Variants in ESCO1 observed in about 807,000 individuals in gnomAD.
ESCO1 encodes the protein N-acetyltransferase ESCO1.
A neutral mutation model predicts 83.5 loss-of-function variants in ESCO1; 33 were observed. The observed-to-expected ratio is 0.40, with a 90% CI of 0.30 to 0.53. The LOEUF (loss-of-function observed/expected upper bound fraction) is 0.53. Ranked by LOEUF, ESCO1 falls within the 20% of genes least tolerant of loss-of-function variation. The pLI is 0.63. For missense variants in ESCO1, 855 were observed against 968.0 expected, an observed-to-expected ratio of 0.88 and a Z score of 1.55; for synonymous variants, 332 against 324.3, an observed-to-expected ratio of 1.02 and a Z score of -0.25.
chr18:21,563,980 C>T (rs1445601890), intron 7 of ESCO1, among the ~76,000 whole-genome samples: 2 of 151,900 alleles, frequency 1.3e-5, no homozygotes, highest in African/African-American at 4.8e-5. Context: ...TCCCTTACCA[C>T]GTGGTCTCTC....
At chr18:21,594,703 C>CA (rs34358501) in intron 1 of ESCO1, among the ~76,000 whole-genome samples, 143,647 of 146,672 alleles carry the variant, frequency 0.98, 70,373 homozygotes, top group East Asian at 1. Flanking sequence ...GACTCCATCT[C>CA]AAAAAAAAAA....
rs183468818 is a variant in ESCO1 at position 21,597,930 on chromosome 18, T to C, written c.-825+2693A>G. On this transcript the variant is annotated intron_variant, in intron 1 of 11. Transcript: ENST00000269214. ...ACAGAATGCTCTTATTTGCCAAAAG[T>C]AACTACAGTATTATAATACAGCTAT... Among the ~76,000 whole-genome samples the C allele has an allele frequency of 3.9e-5, 6 of 152,312 alleles. No individual in the cohort carries two copies. The East Asian group carries it at 1.2e-3, about 29-fold the overall frequency.
At position 21,592,793 on chromosome 18, in the gene ESCO1, ACGGGGCGG is replaced by A. The variant is rs1366167601; in HGVS notation, c.-825+7822_-825+7829del. 2.5e-3 allele frequency among the ~76,000 whole-genome samples: 375 copies of A among 148,776 alleles called. 8 individuals carry two copies. Among genetic ancestry groups the A allele is most frequent in the Non-Finnish European group, 3.7e-3 (249 of 67,346 alleles). ...GGCGGAGGGGCTCCTCACTTCTCAG[ACGGGGCGG>A]CTGCCGGGCGGAGGGGCTCCTCACT... On this transcript the variant is annotated intron_variant, in intron 1 of 11. Coordinates refer to ENST00000269214, the MANE Select transcript of ESCO1 (RefSeq NM_052911.3).
chr18:21,585,437 T>A (rs1470392924), intron 1 of ESCO1, among the ~76,000 whole-genome samples: 1 of 152,064 alleles, frequency 6.6e-6, no homozygotes, highest in East Asian at 1.9e-4. Flanking sequence ...AAAATAGTAT[T>A]CTTTACCCAT....
chr18:21,572,566 C>T (rs1414393991), intron 4 of ESCO1, among the ~76,000 whole-genome samples: 1 of 152,046 alleles, frequency 6.6e-6, no homozygotes, highest in Non-Finnish European at 1.5e-5. Flanking sequence ...TTCAAAATGG[C>T]CACAAAGGTC....
At chr18:21,558,868 T>C (rs1162670780) in intron 8 of ESCO1, among the ~76,000 whole-genome samples, 1 of 152,090 alleles carries the variant, frequency 6.6e-6, no homozygotes, top group Non-Finnish European at 1.5e-5. Flanking sequence ...CAGAGTACCA[T>C]ATGACTTCTT....
At chr18:21,567,011 G>A (rs1381172742) in intron 5 of ESCO1, among the ~76,000 whole-genome samples, 2 of 152,132 alleles carry the variant, frequency 1.3e-5, no homozygotes, top group South Asian at 4.1e-4. Context: ...TCATGTCAAT[G>A]ATTATCCGAA....
At chr18:21,547,318 T>C (rs749999802) in intron 8 of ESCO1, among the ~76,000 whole-genome samples, 28 of 148,266 alleles carry the variant, frequency 1.9e-4, no homozygotes, top group Non-Finnish European at 3.3e-4. Context: ...GAAAAAATTA[T>C]CACATAAGAG....
chr18:21,546,807 A>G (rs1038218495), intron 8 of ESCO1, among the ~76,000 whole-genome samples: 6 of 152,144 alleles, frequency 3.9e-5, no homozygotes, highest in Non-Finnish European at 7.4e-5. Flanking sequence ...CTGGCCTCCC[A>G]AAGTGCTGGG....
chr18:21,532,857 G>A (rs1315108883), intron 10 of ESCO1, among the ~76,000 whole-genome samples, 197 bp from the exon 11 acceptor site: 1 of 152,164 alleles, frequency 6.6e-6, no homozygotes, highest in Non-Finnish European at 1.5e-5. Context: ...GTATGACCAT[G>A]AAAGTAAGTT....
Position 21,584,297 on chromosome 18 carries a change from A to G in ESCO1, c.-694+13T>C, listed in dbSNP as rs2038543440. ...TTGGAAGATACTAAATCATAAAATT[A>G]TATGCCACTTACCTTAAAGAAATAA... On this transcript the variant is annotated intron_variant, in intron 2 of 11. Coordinates refer to ENST00000269214, the MANE Select transcript of ESCO1 (RefSeq NM_052911.3). 1 of 152,184 alleles carries G rather than the reference A, an allele frequency of 6.6e-6. No individual in the cohort carries two copies. Among genetic ancestry groups the G allele is most frequent in the African/African-American group, 2.4e-5 (1 of 41,438 alleles). 9.4% of individuals were successfully genotyped at this position (152,184 alleles called of 1,614,324 possible).
At position 21,574,787 on chromosome 18, in the gene ESCO1, A is replaced by G; in HGVS notation, c.57T>C (p.Ser19=). The change falls in exon 4 of 12, where the codon AGT becomes AGC. Residue 19 remains serine, a synonymous_variant. Transcript: ENST00000269214. ...KENSSKVTKK[S]DDKNSETEIQ... ...TTTCTGTTTCTGAATTCTTATCGTC[A>G]CTTTTTTTAGTAACTTTGGAGGAAT... 6.2e-7 allele frequency: 1 copy of G among 1,601,252 alleles called. No individual in the cohort carries two copies. Among genetic ancestry groups the G allele is most frequent in the Non-Finnish European group, 8.5e-7 (1 of 1,179,218 alleles).
Position 21,573,890 on chromosome 18 carries a change from A to G in ESCO1, c.954T>C (p.Asn318=), listed in dbSNP as rs71358429. The change falls in exon 4 of 12, where the codon AAT becomes AAC. Residue 318 remains asparagine, a synonymous_variant. Transcript: ENST00000269214. ...EEIAGEIESD[N]VEVKKESSQM... is the part of the protein sequence containing the mutation. ...GTGAAGATTCCTTTTTTACCTCTAC[A>G]TTATCTGACTCAATTTCACCAGCAA... 3.7e-6 allele frequency: 6 copies of G among 1,613,736 alleles called. No homozygotes were observed. Among genetic ancestry groups the G allele is most frequent in the Non-Finnish European group, 4.2e-6 (5 of 1,179,992 alleles).
At chr18:21,534,216 T>A (rs183011970) in intron 10 of ESCO1, among the ~76,000 whole-genome samples, 1 of 152,244 alleles carries the variant, frequency 6.6e-6, no homozygotes, top group Non-Finnish European at 1.5e-5. Flanking sequence ...TAGTGTTCCA[T>A]TACTGGAACA....
At chr18:21,532,225 T>C (rs1486246779) in intron 11 of ESCO1, among the ~76,000 whole-genome samples, 1 of 152,194 alleles carries the variant, frequency 6.6e-6, no homozygotes, top group Admixed American at 6.5e-5. Context: ...CCTAACATCA[T>C]AGTTACAAAT....
intron 8 of ESCO1, among the ~76,000 whole-genome samples, chr18:21,548,263 C>A (rs1173654466): frequency 2.0e-5 from 3 of 151,886 alleles, no homozygotes; most frequent in African/African-American, 7.3e-5. Context: ...GAGGCCAAGG[C>A]AGGACAATTG....
chr18:21,593,125 G>C (rs1413157714), intron 1 of ESCO1: 1 of 164,562 alleles, frequency 6.1e-6, no homozygotes, highest in Non-Finnish European at 1.3e-5. Context: ...CCAGGCAGAG[G>C]GGCTCCTCAC....
intron 1 of ESCO1, among the ~76,000 whole-genome samples, chr18:21,585,177 C>T (rs2038557922): frequency 6.6e-6 from 1 of 151,686 alleles, no homozygotes; most frequent in South Asian, 2.1e-4. Context: ...ACTGCATGGT[C>T]ACCATCTCAA....
intron 1 of ESCO1, among the ~76,000 whole-genome samples, chr18:21,590,169 C>T (rs928713678): frequency 6.6e-6 from 1 of 151,344 alleles, no homozygotes; most frequent in Non-Finnish European, 1.5e-5. Flanking sequence ...TACCTTCCAA[C>T]TCTCCTTATA....
Sources: allele counts gnomAD v4.1 joint callset (sites outside exome capture counted in the v4.1 genomes callset), GRCh38; gene constraint gnomAD v4.1.1; transcripts MANE v1.5; gene names NCBI Gene and HGNC (gene_info 2026-07-23, HGNC 2026-07-21).